Variants in NET1 observed in about 807,000 individuals in gnomAD.
NET1 encodes the protein neuroepithelial cell-transforming gene 1 protein.
In NET1, 42 loss-of-function variants were observed where a neutral mutation model predicts 61.1. The ratio of observed to expected loss-of-function variants is 0.69; its 90% CI spans 0.54 to 0.89. The LOEUF (loss-of-function observed/expected upper bound fraction) is 0.89. Among genes scored for constraint, NET1 ranks in the 40% least tolerant of loss-of-function variants. The pLI, the probability that NET1 is intolerant of heterozygous loss-of-function variation, is 0.00. For synonymous variants in NET1, 254 were observed against 281.8 expected, an observed-to-expected ratio of 0.90 and a Z score of 0.99; for missense variants, 654 against 747.3, an observed-to-expected ratio of 0.88 and a Z score of 1.46.
At position 5,426,990 on chromosome 10, in the gene NET1, A is replaced by G. The variant is rs1490353612; in HGVS notation, c.195+269A>G. ...GCCATCCTTTCTCTTATTCCTTTCA[A>G]TGTTAAATCTGATAATATATTATGA... On this transcript the variant is annotated intron_variant, in intron 2 of 11. Transcript: ENST00000355029. The surrounding 1 kb of genome is among the most constrained non-coding windows in gnomAD (Gnocchi z 4.6). Among the ~76,000 whole-genome samples the G allele has an allele frequency of 1.3e-5, 2 of 152,104 alleles. No homozygotes were observed. Among genetic ancestry groups the G allele is most frequent in the Non-Finnish European group, 2.9e-5 (2 of 67,982 alleles).
intron 1 of NET1, among the ~76,000 whole-genome samples, chr10:5,413,053 G>T (rs1191310226): frequency 1.3e-5 from 2 of 148,376 alleles, no homozygotes; most frequent in East Asian, 4.1e-4. Context: ...GGGGACGGGG[G>T]CCGCTGGAAG....
At chr10:5,414,168 G>T (rs1355298491) in intron 1 of NET1, among the ~76,000 whole-genome samples, 1 of 152,152 alleles carries the variant, frequency 6.6e-6, no homozygotes, top group African/African-American at 2.4e-5. Context: ...TTTGTATAGA[G>T]GAGAGGAAAC....
rs894372893 is a variant in NET1 at position 5,447,527 on chromosome 10, T to A, written c.256-4303T>A. ...ATATACTTTAATATATACTACATTG[T>A]CACTTATATGCTAGGAATAGTGTTC... On this transcript the variant is annotated intron_variant, in intron 3 of 11. Transcript: ENST00000355029. The surrounding 1 kb of genome is among the most constrained non-coding windows in gnomAD (Gnocchi z 4.1). 2.6e-5 allele frequency among the ~76,000 whole-genome samples: 4 copies of A among 152,256 alleles called. No homozygotes were observed. The highest frequency in any genetic ancestry group is 9.6e-5 in the African/African-American group (4 of 41,462).
chr10:5,452,624 A>G lies in NET1; in HGVS notation c.531+99A>G, dbSNP rs753426282. Reference sequence around the variant, plus strand: ...TTTTTGTGTTTGAGCAACAATTCCTAATACATGGTGAACAAAACCTAATGA... The same window carrying G: ...TTTTTGTGTTTGAGCAACAATTCCTGATACATGGTGAACAAAACCTAATGA... On this transcript the variant is annotated intron_variant, in intron 5 of 11. Transcript: ENST00000355029. This position sits in a 1 kb window ranked among gnomAD's most constrained non-coding sequence, Gnocchi z 4.0. 1 of 1,270,680 alleles carries G rather than the reference A, an allele frequency of 7.9e-7. No homozygotes were observed. The highest frequency in any genetic ancestry group is 1.1e-6 in the Non-Finnish European group (1 of 913,502). The allele number at this position is 1,270,680 out of a possible 1,614,324, so 78.7% of individuals were successfully genotyped here.
At position 5,447,470 on chromosome 10, in the gene NET1, G is replaced by T. The variant is rs1832633251; in HGVS notation, c.256-4360G>T. ...ACTTTATGCCATTTTATGTAATCTT[G>T]ATTTAACATTGTGTGATATTCTGTT... On this transcript the variant is annotated intron_variant, in intron 3 of 11. Transcript: ENST00000355029. The surrounding 1 kb of genome is among the most constrained non-coding windows in gnomAD (Gnocchi z 4.1). 6.6e-6 allele frequency among the ~76,000 whole-genome samples: 1 copy of T among 151,994 alleles called. No homozygotes were observed. The highest frequency in any genetic ancestry group is 1.5e-5 in the Non-Finnish European group (1 of 67,992).
rs1832136545 is a variant in NET1, at chr10:5,419,671, T to G, written c.128+6851T>G. Among the ~76,000 whole-genome samples the G allele has an allele frequency of 2.3e-5, 3 of 130,026 alleles. No individual in the cohort carries two copies. The South Asian group carries it at 8.5e-4, about 37-fold the overall frequency. The allele number at this position is 130,026 out of a possible 152,430, so 85.3% of individuals were successfully genotyped here. A position where few individuals can be genotyped will look rare whatever the true frequency, so the allele number is the denominator to read the frequency against. On this transcript the variant is annotated intron_variant, in intron 1 of 11. Transcript: ENST00000355029. ...GGTATTTCTTGTAAGGCAAGTCCGC[T>G]ACCAACAAATTCTCTGTTTGTTTTT... is the stretch of plus-strand genomic sequence containing the variant.
chr10:5,451,844 AAG>A lies in NET1; in HGVS notation c.273_274del (p.Arg91SerfsTer37). ...TGTTTTTATAGGAGCCAAGCAATAA[AAG>A]AGTTCGACCTCTGGCTCGTGTCACG... ...SLDLKEPSNK[R>X]VRPLARVTSL... On this transcript the variant is annotated frameshift_variant, in exon 4 of 12. Coordinates refer to ENST00000355029, the MANE Select transcript of NET1 (RefSeq NM_001047160.3). LOFTEE classifies it high-confidence loss of function. This position sits in a 1 kb window ranked among gnomAD's most constrained non-coding sequence, Gnocchi z 6.1. The A allele has an allele frequency of 6.2e-7, 1 of 1,613,654 alleles. No homozygotes were observed. The highest frequency in any genetic ancestry group is 1.1e-5 in the South Asian group (1 of 91,030).
chr10:5,419,508 A>G (rs151336873), intron 1 of NET1, among the ~76,000 whole-genome samples: 2 of 152,272 alleles, frequency 1.3e-5, no homozygotes, highest in Non-Finnish European at 2.9e-5. Flanking sequence ...GCATTAAGTG[A>G]GAATTTTCTA....
Position 5,457,117 on chromosome 10 carries a change from T to G in NET1, c.*123T>G, listed in dbSNP as rs1406233040. ...ACCAGTTGTAACATTTTCATTGTTT[T>G]TGGTTGTTCTTTTTTCTTTTTTTAA... On this transcript the variant is annotated 3_prime_UTR_variant, in exon 12 of 12. Coordinates refer to ENST00000355029, the MANE Select transcript of NET1 (RefSeq NM_001047160.3). This position sits in a 1 kb window ranked among gnomAD's most constrained non-coding sequence, Gnocchi z 5.4. The G allele has an allele frequency of 2.0e-6, 2 of 979,596 alleles. No homozygotes were observed. The allele number at this position is 979,596 out of a possible 1,614,324, so 60.7% of individuals were successfully genotyped here. A position where few individuals can be genotyped will look rare whatever the true frequency, so the allele number is the denominator to read the frequency against.
intron 1 of NET1, among the ~76,000 whole-genome samples, chr10:5,414,104 A>C (rs1183627249): frequency 6.6e-6 from 1 of 152,158 alleles, no homozygotes; most frequent in Non-Finnish European, 1.5e-5. Flanking sequence ...GAAGCAAATG[A>C]GTCTGATGAG....
rs1008931602 is a variant in NET1 at position 5,421,141 on chromosome 10, C to T, written c.129-5514C>T. 1.3e-5 allele frequency among the ~76,000 whole-genome samples: 2 copies of T among 152,204 alleles called. No homozygotes were observed. The highest frequency in any genetic ancestry group is 1.9e-4 in the East Asian group (1 of 5,204). ...TAAAAGCAGTCAGACTTCCTAGGTT[C>T]AAATTCTGGCTCTTAAGGACCTTGG... On this transcript the variant is annotated intron_variant, in intron 1 of 11. Coordinates refer to ENST00000355029, the MANE Select transcript of NET1 (RefSeq NM_001047160.3). The surrounding 1 kb of genome is among the most constrained non-coding windows in gnomAD (Gnocchi z 4.2).
intron 1 of NET1, among the ~76,000 whole-genome samples, chr10:5,418,986 A>G (rs1422763365): frequency 6.6e-6 from 1 of 152,136 alleles, no homozygotes; most frequent in African/African-American, 2.4e-5. Context: ...TTCTAATTTC[A>G]TTACATTGCA....
rs1209462563 is a variant in NET1, at chr10:5,452,899, G to T, written c.573G>T (p.Glu191Asp). The T allele has an allele frequency of 6.2e-7, 1 of 1,612,708 alleles. No individual in the cohort carries two copies. Among genetic ancestry groups the T allele is most frequent in the African/African-American group, 1.3e-5 (1 of 74,854 alleles). The change falls in exon 6 of 12, where the codon GAG becomes GAT. Residue 191 changes from glutamate to aspartate, a missense_variant. Glu to Asp is a conservative substitution (Grantham distance 45). Coordinates refer to ENST00000355029, the MANE Select transcript of NET1 (RefSeq NM_001047160.3). The surrounding 1 kb of genome is among the most constrained non-coding windows in gnomAD (Gnocchi z 4.0). ...EMSRGEQDLI[E>D]DLKLARKAYH... ...CCCGAGGTGAACAGGATTTAATTGA[G>T]GATCTCAAACTTGCAAGAAAGGTCA... is the stretch of plus-strand genomic sequence containing the variant.
At position 5,412,633 on chromosome 10, in the gene NET1, G is replaced by C. The variant is rs899917805; in HGVS notation, c.-60G>C. On this transcript the variant is annotated 5_prime_UTR_variant, in exon 1 of 12. Coordinates refer to ENST00000355029, the MANE Select transcript of NET1 (RefSeq NM_001047160.3). The surrounding 1 kb of genome is among the most constrained non-coding windows in gnomAD (Gnocchi z 6.5). ...TGCCTGGCAGAGGCTGGCGGGCATC[G>C]TGCCCGTCCCTGCCGGTCTCCCGGG... 2 of 1,429,820 alleles carry C rather than the reference G, an allele frequency of 1.4e-6. No homozygotes were observed. Among genetic ancestry groups the C allele is most frequent in the South Asian group, 2.9e-5 (2 of 69,882 alleles). The allele number at this position is 1,429,820 out of a possible 1,614,324, so 88.6% of individuals were successfully genotyped here. A position where few individuals can be genotyped will look rare whatever the true frequency, so the allele number is the denominator to read the frequency against.
intron 3 of NET1, among the ~76,000 whole-genome samples, chr10:5,434,541 G>A (rs1036248652): frequency 1.3e-5 from 2 of 152,002 alleles, no homozygotes; most frequent in Non-Finnish European, 2.9e-5. Context: ...CTGTTCCCAG[G>A]GCCATCAGAA....
Position 5,454,609 on chromosome 10 carries a change from AC to A in NET1, c.1026+88del. 17 of 1,399,048 alleles carry A rather than the reference AC, an allele frequency of 1.2e-5. No individual in the cohort carries two copies. Among genetic ancestry groups the A allele is most frequent in the African/African-American group, 1.4e-5 (1 of 69,590 alleles). 86.7% of individuals were successfully genotyped at this position (1,399,048 alleles called of 1,614,324 possible). ...CGTTATCTTCTGAAGATGCTGATTC[AC>A]ATCAGCATAGTGAATTGTTTTGTTG... On this transcript the variant is annotated intron_variant, in intron 9 of 11. Coordinates refer to ENST00000355029, the MANE Select transcript of NET1 (RefSeq NM_001047160.3). This position sits in a 1 kb window ranked among gnomAD's most constrained non-coding sequence, Gnocchi z 8.1.
intron 3 of NET1, among the ~76,000 whole-genome samples, chr10:5,445,942 T>C (rs1250538883): frequency 6.6e-6 from 1 of 152,160 alleles, no homozygotes; most frequent in African/African-American, 2.4e-5. Flanking sequence ...AAATCACCTT[T>C]GTTATAAAAT....
chr10:5,426,250 T>C lies in NET1; in HGVS notation c.129-405T>C, dbSNP rs1003227687. Among the ~76,000 whole-genome samples the C allele has an allele frequency of 6.6e-6, 1 of 152,174 alleles. No homozygotes were observed. The highest frequency in any genetic ancestry group is 2.4e-5 in the African/African-American group (1 of 41,462). On this transcript the variant is annotated intron_variant, in intron 1 of 11. Coordinates refer to ENST00000355029, the MANE Select transcript of NET1 (RefSeq NM_001047160.3). This position sits in a 1 kb window ranked among gnomAD's most constrained non-coding sequence, Gnocchi z 4.6. Reference sequence around the variant, plus strand: ...TGTTAAGAGTATCCTTTTATTTTTGTTTTTTAAAATACTATACGTGAATAT... The same window carrying C: ...TGTTAAGAGTATCCTTTTATTTTTGCTTTTTAAAATACTATACGTGAATAT...
chr10:5,454,629 TTTG>T lies in NET1; in HGVS notation c.1026+113_1026+115del. 1 of 1,370,528 alleles carries T rather than the reference TTTG, an allele frequency of 7.3e-7. No homozygotes were observed. Among genetic ancestry groups the T allele is most frequent in the African/African-American group, 1.5e-5 (1 of 68,840 alleles). The allele number at this position is 1,370,528 out of a possible 1,614,324, so 84.9% of individuals were successfully genotyped here. ...GATTCACATCAGCATAGTGAATTGT[TTTG>T]TTGTTTTAAGTACCCAGTGCGTTAG... On this transcript the variant is annotated intron_variant, in intron 9 of 11. Transcript: ENST00000355029. The surrounding 1 kb of genome is among the most constrained non-coding windows in gnomAD (Gnocchi z 8.1).
Sources: gnomAD v4.1 joint callset for allele counts (sites outside exome capture counted in the v4.1 genomes callset) on GRCh38, gnomAD v4.1.1 for gene constraint, Gnocchi (gnomAD v3.1) non-coding constraint, MANE v1.5 for transcripts, NCBI Gene and HGNC (gene_info 2026-07-23, HGNC 2026-07-21) for gene names.